MACROD2: variants seen among roughly 807,000 people sequenced by gnomAD.
MACROD2 encodes the protein ADP-ribose glycohydrolase MACROD2.
Under a neutral mutation model 70.4 loss-of-function variants are expected in MACROD2, and 36 were observed. The observed-to-expected ratio is 0.51, with a 90% CI of 0.39 to 0.68. The LOEUF (loss-of-function observed/expected upper bound fraction) is 0.68. MACROD2 is among the 30% of genes least tolerant of loss of function. MACROD2 has a pLI of 0.00. For synonymous variants in MACROD2, 172 were observed against 178.8 expected (o/e 0.96, Z 0.30); for missense variants, 496 against 538.4 (o/e 0.92, Z 0.78).
At chr20:15,876,968 G>T (rs932403225) in intron 9 of MACROD2, among the ~76,000 whole-genome samples, 1 of 152,020 alleles carries the variant, frequency 6.6e-6, no homozygotes, top group Non-Finnish European at 1.5e-5. Context: ...CTGCAATAAC[G>T]TGACTGTCTC....
At chr20:15,716,806 A>G (rs748456534) in intron 8 of MACROD2, among the ~76,000 whole-genome samples, 2 of 152,214 alleles carry the variant, frequency 1.3e-5, no homozygotes, top group Non-Finnish European at 2.9e-5. Context: ...AAAGGAGGAA[A>G]AAGAAACTTT....
At chr20:14,260,650 A>G (rs1035321060) in intron 3 of MACROD2, among the ~76,000 whole-genome samples, 1 of 152,230 alleles carries the variant, frequency 6.6e-6, no homozygotes, top group Non-Finnish European at 1.5e-5. Flanking sequence ...CTTAGGACAC[A>G]GTCTGGACAG....
At chr20:15,447,659 A>G (rs892449465) in intron 7 of MACROD2, among the ~76,000 whole-genome samples, 2 of 152,172 alleles carry the variant, frequency 1.3e-5, no homozygotes, top group Admixed American at 6.5e-5. Flanking sequence ...CATGCTGGAC[A>G]AACTGACCTT....
At chr20:14,991,634 C>T (rs1321038902) in intron 5 of MACROD2, among the ~76,000 whole-genome samples, 1 of 152,138 alleles carries the variant, frequency 6.6e-6, no homozygotes, top group Non-Finnish European at 1.5e-5. Flanking sequence ...TATTTATGCA[C>T]TGCCTACTTC....
At chr20:15,339,532 T>C (rs570471720) in intron 6 of MACROD2, among the ~76,000 whole-genome samples, 7 of 151,854 alleles carry the variant, frequency 4.6e-5, no homozygotes, top group East Asian at 3.9e-4. Context: ...CCCAGCATGA[T>C]TGGGGATCCT....
At chr20:16,008,219 C>T (rs2066815910) in intron 15 of MACROD2, among the ~76,000 whole-genome samples, 1 of 152,200 alleles carries the variant, frequency 6.6e-6, no homozygotes, top group African/African-American at 2.4e-5. Context: ...TATAGCGCCC[C>T]CTATACTGTC....
intron 4 of MACROD2, among the ~76,000 whole-genome samples, chr20:14,638,098 G>GA (rs1158811393): frequency 6.6e-6 from 1 of 151,962 alleles, no homozygotes; most frequent in Non-Finnish European, 1.5e-5. Context: ...TGTTGATGTA[G>GA]AGGGTGGTAC....
chr20:15,868,266 T>G (rs924978441), intron 9 of MACROD2, among the ~76,000 whole-genome samples: 1 of 152,180 alleles, frequency 6.6e-6, no homozygotes, highest in African/African-American at 2.4e-5. Context: ...CCTGGATTCA[T>G]GACCCTCCTA....
At chr20:14,238,013 A>G (rs2081893291) in intron 3 of MACROD2, among the ~76,000 whole-genome samples, 1 of 152,104 alleles carries the variant, frequency 6.6e-6, no homozygotes, top group African/African-American at 2.4e-5. Context: ...ATACGTGTGC[A>G]TGTGTCTTTA....
At chr20:14,442,621 C>T (rs2084136409) in intron 3 of MACROD2, among the ~76,000 whole-genome samples, 1 of 152,070 alleles carries the variant, frequency 6.6e-6, no homozygotes, top group African/African-American at 2.4e-5. Flanking sequence ...GCTGCCTTCA[C>T]ACTGGATTCT....
intron 15 of MACROD2, among the ~76,000 whole-genome samples, chr20:15,989,572 A>T (rs183554375): frequency 1.6e-3 from 249 of 152,254 alleles, no homozygotes; most frequent in Middle Eastern, 0.014. Context: ...AAATAAATTC[A>T]AAGTAGCAAT....
chr20:15,151,954 C>T (rs1339110799), intron 5 of MACROD2, among the ~76,000 whole-genome samples: 1 of 151,750 alleles, frequency 6.6e-6, no homozygotes, highest in Non-Finnish European at 1.5e-5. Flanking sequence ...ATTAGAAAGA[C>T]TCAGCGACGC....
chr20:14,178,744 T>C (rs2081283942), intron 3 of MACROD2, among the ~76,000 whole-genome samples: 1 of 150,048 alleles, frequency 6.7e-6, no homozygotes, highest in Non-Finnish European at 1.5e-5. Flanking sequence ...TTTTTTTTTT[T>C]TTTTTGACCG....
intron 2 of MACROD2, among the ~76,000 whole-genome samples, chr20:14,052,607 C>A (rs945471680): frequency 6.6e-6 from 1 of 152,048 alleles, no homozygotes; most frequent in Non-Finnish European, 1.5e-5. Context: ...CCTGATTTTT[C>A]TCTAGAATAC....
chr20:15,033,225 A>C (rs570678738), intron 5 of MACROD2, among the ~76,000 whole-genome samples: 1 of 152,222 alleles, frequency 6.6e-6, no homozygotes, highest in Non-Finnish European at 1.5e-5. Context: ...GTGATAAATT[A>C]CATTATGTAT....
At chr20:15,876,542 T>G (rs919488148) in intron 9 of MACROD2, among the ~76,000 whole-genome samples, 3 of 152,154 alleles carry the variant, frequency 2.0e-5, no homozygotes, top group African/African-American at 7.2e-5. Context: ...GTTCCAAGTC[T>G]TTGCTATTGT....
At chr20:15,519,906 C>T (rs930937251) in intron 8 of MACROD2, among the ~76,000 whole-genome samples, 5 of 152,162 alleles carry the variant, frequency 3.3e-5, no homozygotes, top group Non-Finnish European at 7.4e-5. Context: ...ATCTGAACCT[C>T]TATAGCTGAT....
chr20:15,662,780 A>T (rs1398754433), intron 8 of MACROD2, among the ~76,000 whole-genome samples: 1 of 151,350 alleles, frequency 6.6e-6, no homozygotes, highest in Non-Finnish European at 1.5e-5. Context: ...GTTTTGAATT[A>T]GTGGCCAATA....
chr20:14,708,718 A>G (rs2123656990), intron 5 of MACROD2, among the ~76,000 whole-genome samples: 1 of 152,180 alleles, frequency 6.6e-6, no homozygotes, highest in East Asian at 1.9e-4. Flanking sequence ...CCCACGTTCA[A>G]GCGATTCTCC....
Sources: allele counts gnomAD v4.1 joint callset (sites outside exome capture counted in the v4.1 genomes callset), GRCh38; gene constraint gnomAD v4.1.1; transcripts MANE v1.5; gene names NCBI Gene and HGNC (gene_info 2026-07-23, HGNC 2026-07-21).